GRID2: variants seen among roughly 807,000 people sequenced by gnomAD.
GRID2 encodes the protein glutamate ionotropic receptor delta type subunit 2.
In GRID2, 33 loss-of-function variants were observed where a neutral mutation model predicts 114.8. The observed-to-expected ratio is 0.29, with a 90% CI of 0.22 to 0.38. The LOEUF is 0.38. Ranked by LOEUF, GRID2 falls within the 10% of genes least tolerant of loss-of-function variation. The probability of loss-of-function intolerance (pLI) is 1.00; values close to 1 mark genes in which losing one functional copy is unlikely to be tolerated. For missense variants in GRID2, 1,184 were observed against 1,257.7 expected, an observed-to-expected ratio of 0.94 and a Z score of 0.89; for synonymous variants, 505 against 449.9, an observed-to-expected ratio of 1.12 and a Z score of -1.55.
chr4:93,345,757 A>G (rs147037968), intron 8 of GRID2, among the ~76,000 whole-genome samples: 4 of 152,190 alleles, frequency 2.6e-5, no homozygotes, highest in African/African-American at 9.6e-5. Flanking sequence ...GTTTTCTTCT[A>G]GTAGTTTTAT....
intron 1 of GRID2, among the ~76,000 whole-genome samples, chr4:92,484,168 C>A (rs1722753324): frequency 6.6e-6 from 1 of 151,992 alleles, no homozygotes; most frequent in Non-Finnish European, 1.5e-5. Context: ...GTTGCTATAC[C>A]TAATGTTTCT....
At chr4:93,202,351 A>G (rs570391045) in intron 4 of GRID2, among the ~76,000 whole-genome samples, 29 of 152,302 alleles carry the variant, frequency 1.9e-4, no homozygotes, top group South Asian at 1.2e-3. Context: ...CCAAACAACT[A>G]TAATAATGAT....
chr4:93,197,445 C>T (rs555335820), intron 4 of GRID2, among the ~76,000 whole-genome samples: 19 of 151,908 alleles, frequency 1.3e-4, no homozygotes, highest in South Asian at 2.1e-4. Flanking sequence ...TTATTATCTA[C>T]GTGTGTGTGT....
At chr4:93,568,288 C>G (rs1050945424) in intron 13 of GRID2, among the ~76,000 whole-genome samples, 3 of 152,118 alleles carry the variant, frequency 2.0e-5, no homozygotes, top group Non-Finnish European at 4.4e-5. Flanking sequence ...GGAAGGCACA[C>G]AATTAAAATA....
At chr4:92,417,486 T>C (rs537045553) in intron 1 of GRID2, among the ~76,000 whole-genome samples, 17 of 152,118 alleles carry the variant, frequency 1.1e-4, no homozygotes, top group African/African-American at 3.9e-4. Context: ...TATAAAGCAA[T>C]TACCCCCTGA....
At chr4:92,305,268 G>T (rs941877849) in intron 1 of GRID2, among the ~76,000 whole-genome samples, 1 of 152,146 alleles carries the variant, frequency 6.6e-6, no homozygotes, top group Non-Finnish European at 1.5e-5. Flanking sequence ...GGTGACGGGG[G>T]TGCCGGATGC....
intron 4 of GRID2, among the ~76,000 whole-genome samples, chr4:93,191,330 G>C (rs2149447544): frequency 6.6e-6 from 1 of 152,160 alleles, no homozygotes; most frequent in African/African-American, 2.4e-5. Context: ...CTGTATATCA[G>C]AATCTGAACT....
chr4:93,240,253 G>A (rs1747333888), intron 8 of GRID2, among the ~76,000 whole-genome samples: 1 of 151,528 alleles, frequency 6.6e-6, no homozygotes, highest in South Asian at 2.1e-4. Context: ...CATACCACCA[G>A]CAGTGCAGGC....
At chr4:92,792,775 A>T (rs1213743067) in intron 2 of GRID2, among the ~76,000 whole-genome samples, 1 of 151,720 alleles carries the variant, frequency 6.6e-6, no homozygotes, top group African/African-American at 2.4e-5. Context: ...ACTATATTTT[A>T]ATTTTTTTGA....
intron 2 of GRID2, among the ~76,000 whole-genome samples, chr4:92,623,724 G>A (rs183394383): frequency 2.7e-4 from 41 of 151,668 alleles, no homozygotes; most frequent in Admixed American, 1.3e-4. Flanking sequence ...CTGTGGCACC[G>A]CTAACACCCA....
chr4:92,585,054 T>A (rs1728363462), intron 1 of GRID2, among the ~76,000 whole-genome samples: 1 of 152,070 alleles, frequency 6.6e-6, no homozygotes, highest in Admixed American at 6.6e-5. Context: ...TTAACCCATT[T>A]CAAATATTTG....
At chr4:93,490,839 A>G in intron 12 of GRID2, 62 bp downstream of exon 12, 3 of 1,137,926 alleles carry the variant, frequency 2.6e-6, no homozygotes, top group Non-Finnish European at 3.9e-6. Flanking sequence ...GGCCAAAGCT[A>G]TCTGAGAATA....
At chr4:92,996,236 G>C (rs1755188558) in intron 2 of GRID2, among the ~76,000 whole-genome samples, 1 of 151,464 alleles carries the variant, frequency 6.6e-6, no homozygotes. Flanking sequence ...GTTGCAGTGA[G>C]CCAAGATTAT....
intron 2 of GRID2, among the ~76,000 whole-genome samples, chr4:92,855,743 A>G (rs1204984242): frequency 6.6e-6 from 1 of 152,030 alleles, no homozygotes; most frequent in East Asian, 1.9e-4. Flanking sequence ...AGAACTGATT[A>G]CTTCATAAGT....
intron 2 of GRID2, among the ~76,000 whole-genome samples, chr4:92,947,120 T>G (rs190459783): frequency 6.6e-6 from 1 of 152,076 alleles, no homozygotes; most frequent in Non-Finnish European, 1.5e-5. Context: ...AAACTGGGTT[T>G]ATTTATATGT....
chr4:93,447,309 C>T (rs1233987241), intron 10 of GRID2, among the ~76,000 whole-genome samples: 1 of 151,880 alleles, frequency 6.6e-6, no homozygotes, highest in South Asian at 2.1e-4. Context: ...AAATATGAAG[C>T]CATTAAAGCT....
intron 11 of GRID2, among the ~76,000 whole-genome samples, chr4:93,456,370 T>A (rs1281219627): frequency 6.6e-6 from 1 of 152,192 alleles, no homozygotes; most frequent in East Asian, 1.9e-4. Flanking sequence ...TGTTAGGACT[T>A]GTTCTTTGTT....
intron 2 of GRID2, among the ~76,000 whole-genome samples, chr4:92,791,357 CTCT>C (rs747573638): frequency 6.6e-5 from 10 of 151,618 alleles, no homozygotes; most frequent in African/African-American, 9.7e-5. Context: ...GAATACCTTC[CTCT>C]TAGGGCTGAT....
chr4:93,387,828 T>C (rs1764475628), intron 8 of GRID2, among the ~76,000 whole-genome samples: 1 of 103,380 alleles, frequency 9.7e-6, no homozygotes, highest in African/African-American at 5.4e-5. Context: ...AGACTCTGTC[T>C]CAAAAAAAAA....
Sources: allele counts gnomAD v4.1 joint callset (sites outside exome capture counted in the v4.1 genomes callset), GRCh38; gene constraint gnomAD v4.1.1; transcripts MANE v1.5; gene names NCBI Gene and HGNC (gene_info 2026-07-23, HGNC 2026-07-21).